Variants in PECAM1 observed in about 807,000 individuals in gnomAD.
PECAM1 encodes the protein platelet endothelial cell adhesion molecule.
A neutral mutation model predicts 13.8 loss-of-function variants in PECAM1; 8 were observed. The observed-to-expected ratio is 0.58, with a 90% CI of 0.34 to 1.05. The LOEUF is 1.05. PECAM1 is among the 50% of genes least tolerant of loss of function. PECAM1 has a pLI of 0.03. For synonymous variants in PECAM1, 136 were observed against 52.6 expected (o/e 2.58, Z -6.86); for missense variants, 304 against 141.2 (o/e 2.15, Z -5.84).
chr17:64,321,718 G>T lies in PECAM1; in HGVS notation c.*2098C>A. 1 of 1,020,590 alleles carries T rather than the reference G, an allele frequency of 9.8e-7. No homozygotes were observed. Among genetic ancestry groups the T allele is most frequent in the Non-Finnish European group, 1.3e-6 (1 of 784,584 alleles). 63.2% of individuals were successfully genotyped at this position (1,020,590 alleles called of 1,614,324 possible). A position where few individuals can be genotyped will look rare whatever the true frequency, so the allele number is the denominator to read the frequency against. ...CGAGGCTGCGGTGAGCCATTGTTGT[G>T]CCACTGCACTCCAGCCTGGGCAACA... On this transcript the variant is annotated 3_prime_UTR_variant, in exon 16 of 16. Transcript: ENST00000563924.
chr17:64,339,569 A>C (rs2035373360), intron 14 of PECAM1, among the ~76,000 whole-genome samples: 1 of 151,798 alleles, frequency 6.6e-6, no homozygotes, highest in African/African-American at 2.4e-5. Context: ...GCAACCTTGA[A>C]CCCTACCTCA....
In PECAM1 at chr17:64,321,516, G is replaced by T; in HGVS notation, c.*2300C>A. 1.1e-6 allele frequency: 1 copy of T among 904,210 alleles called. No individual in the cohort carries two copies. Among genetic ancestry groups the T allele is most frequent in the Non-Finnish European group, 1.3e-6 (1 of 746,204 alleles). 56.0% of individuals were successfully genotyped at this position (904,210 alleles called of 1,614,324 possible). ...CTCATGCCTGCAATCCCAGCACTTT[G>T]CGAGGCCAAGGAGGGAGGATCACTT... On this transcript the variant is annotated 3_prime_UTR_variant, in exon 16 of 16. Transcript: ENST00000563924.
chr17:64,348,169 C>T, intron 13 of PECAM1, 91 bp downstream of exon 13: 1 of 452,210 alleles, frequency 2.2e-6, no homozygotes, highest in Admixed American at 3.6e-5. Context: ...GGTGCACAGA[C>T]TCTTCTCACT....
chr17:64,342,729 A>G (rs1031020710), intron 13 of PECAM1, among the ~76,000 whole-genome samples: 7 of 152,008 alleles, frequency 4.6e-5, no homozygotes, highest in Non-Finnish European at 8.8e-5. Flanking sequence ...GTATACCTGG[A>G]GGAGACTCAA....
chr17:64,354,570 C>T (rs2035806929), intron 9 of PECAM1, among the ~76,000 whole-genome samples: 1 of 152,194 alleles, frequency 6.6e-6, no homozygotes, highest in African/African-American at 2.4e-5. Flanking sequence ...GCCGGGCTTA[C>T]TTAGCTAACC....
chr17:64,377,747 A>G (rs2036396021), intron 3 of PECAM1, 77 bp downstream of exon 3: 1 of 470,618 alleles, frequency 2.1e-6, no homozygotes, highest in Non-Finnish European at 3.9e-6. Flanking sequence ...CAGTGTCACT[A>G]TTCATTCACA....
chr17:64,344,414 G>A (rs1219394545), intron 13 of PECAM1, among the ~76,000 whole-genome samples: 1 of 152,102 alleles, frequency 6.6e-6, no homozygotes, highest in Admixed American at 6.5e-5. Flanking sequence ...GTTTTTCTCT[G>A]TGTTAACAGA....
intron 14 of PECAM1, among the ~76,000 whole-genome samples, chr17:64,334,803 G>A (rs1027553055): frequency 8.6e-4 from 131 of 152,086 alleles, no homozygotes; most frequent in African/African-American, 3.0e-3. Context: ...CACTGCGCAC[G>A]GCCCTGGGCC....
rs782261751 is a variant in PECAM1 at position 64,322,978 on chromosome 17, A to T, written c.*838T>A. The T allele has an allele frequency of 2.0e-5, 18 of 892,758 alleles. No individual in the cohort carries two copies. Among genetic ancestry groups the T allele is most frequent in the Non-Finnish European group, 2.4e-5 (18 of 745,282 alleles). 55.3% of individuals were successfully genotyped at this position (892,758 alleles called of 1,614,324 possible). On this transcript the variant is annotated 3_prime_UTR_variant, in exon 16 of 16. Transcript: ENST00000563924. ...CACCTCAGCCTCCTGAAGTGCTGGG[A>T]TTACAGGCGTGAGCCACCTTGCCTG...
intron 2 of PECAM1, among the ~76,000 whole-genome samples, chr17:64,383,792 A>T (rs2036534362): frequency 6.6e-6 from 1 of 152,204 alleles, no homozygotes; most frequent in Non-Finnish European, 1.5e-5. Flanking sequence ...GGGCCCGTCC[A>T]CCATCTTGTT....
At chr17:64,375,537 G>A (rs997940920) in intron 3 of PECAM1, among the ~76,000 whole-genome samples, 181 bp from the exon 4 acceptor site, 1 of 152,138 alleles carries the variant, frequency 6.6e-6, no homozygotes, top group Non-Finnish European at 1.5e-5. Context: ...GAACAGGTAT[G>A]TGCCCAGCAC....
intron 8 of PECAM1, among the ~76,000 whole-genome samples, chr17:64,355,284 T>G (rs930001017): frequency 2.6e-5 from 4 of 152,198 alleles, no homozygotes; most frequent in Non-Finnish European, 5.9e-5. Context: ...CCAGCTTTGC[T>G]GGGGTAGACT....
In PECAM1 at chr17:64,323,283, G is replaced by A. The variant is rs782216120; in HGVS notation, c.*533C>T. 2.1e-4 allele frequency: 212 copies of A among 994,636 alleles called. No homozygotes were observed. Among genetic ancestry groups the A allele is most frequent in the East Asian group, 3.3e-4 (3 of 9,152 alleles). 61.6% of individuals were successfully genotyped at this position (994,636 alleles called of 1,614,324 possible). A position where few individuals can be genotyped will look rare whatever the true frequency, so the allele number is the denominator to read the frequency against. On this transcript the variant is annotated 3_prime_UTR_variant, in exon 16 of 16. Transcript: ENST00000563924. ...TCTGGTTTTCCCATTTGTGGAGGGCGAGGTCATAGAGGGGACAGGGGGAGG... is the reference window on the plus strand; with the variant it reads ...TCTGGTTTTCCCATTTGTGGAGGGCAAGGTCATAGAGGGGACAGGGGGAGG...
chr17:64,344,132 G>C (rs988830631), intron 13 of PECAM1, among the ~76,000 whole-genome samples: 1 of 152,074 alleles, frequency 6.6e-6, no homozygotes, highest in Admixed American at 6.6e-5. Context: ...GGCCCACAGT[G>C]GGGGCTGGGG....
intron 2 of PECAM1, among the ~76,000 whole-genome samples, chr17:64,386,487 A>G (rs1192261444): frequency 6.6e-6 from 1 of 152,170 alleles, no homozygotes; most frequent in East Asian, 1.9e-4. Flanking sequence ...AATGTACTAA[A>G]TGTCATTAAT....
chr17:64,320,778 A>G lies in PECAM1; in HGVS notation c.*3038T>C, dbSNP rs1399615831. Reference sequence around the variant, plus strand: ...ATGAGCACAAGCTTGTTGAGCAAACAGACAAATAACTGGATGCTTCTGTGC... The same window carrying G: ...ATGAGCACAAGCTTGTTGAGCAAACGGACAAATAACTGGATGCTTCTGTGC... On this transcript the variant is annotated 3_prime_UTR_variant, in exon 16 of 16. Coordinates refer to ENST00000563924, the MANE Select transcript of PECAM1 (RefSeq NM_000442.5). The G allele has an allele frequency of 6.6e-6, 1 of 152,280 alleles. No homozygotes were observed. The highest frequency in any genetic ancestry group is 2.4e-5 in the African/African-American group (1 of 41,466). 9.4% of individuals were successfully genotyped at this position (152,280 alleles called of 1,614,324 possible).
At chr17:64,376,566 C>T (rs1327201311) in intron 3 of PECAM1, among the ~76,000 whole-genome samples, 1 of 152,094 alleles carries the variant, frequency 6.6e-6, no homozygotes, top group Non-Finnish European at 1.5e-5. Flanking sequence ...CTACTATGAG[C>T]CACATTCATT....
At position 64,369,895 on chromosome 17, in the gene PECAM1, C is replaced by T. The variant is rs1483988326; in HGVS notation, c.822G>A (p.Lys274=). Residue 274 remains lysine (K), a synonymous_variant, in exon 5 of 16, where the codon AAG becomes AAA. Coordinates refer to ENST00000563924, the MANE Select transcript of PECAM1 (RefSeq NM_000442.5). ...AQEFPEIIIQ[K]DKAIVAHNRH... ...TGTTGTGGGCCACAATCGCCTTGTCCTTCTGAATTATGATTTCTGGAAACT... is the reference window on the plus strand; with the variant it reads ...TGTTGTGGGCCACAATCGCCTTGTCTTTCTGAATTATGATTTCTGGAAACT... 1.0e-5 allele frequency: 4 copies of T among 398,570 alleles called. No homozygotes were observed. The highest frequency in any genetic ancestry group is 8.2e-5 in the African/African-American group (4 of 48,634). 24.7% of individuals were successfully genotyped at this position (398,570 alleles called of 1,614,324 possible).
intron 14 of PECAM1, among the ~76,000 whole-genome samples, chr17:64,337,363 C>T (rs2035306675): frequency 6.6e-6 from 1 of 152,156 alleles, no homozygotes; most frequent in African/African-American, 2.4e-5. Flanking sequence ...GTACCCTGGG[C>T]AAGACACTGA....
Sources: gnomAD v4.1 joint callset for allele counts (sites outside exome capture counted in the v4.1 genomes callset) on GRCh38, gnomAD v4.1.1 for gene constraint, MANE v1.5 for transcripts, NCBI Gene and HGNC (gene_info 2026-07-23, HGNC 2026-07-21) for gene names.